MAD1L1: variants seen among roughly 807,000 people sequenced by gnomAD.
The protein encoded by MAD1L1 is mitotic spindle assembly checkpoint protein MAD1.
MAD1L1 carries 95 observed loss-of-function variants against 96.9 expected under a neutral mutation model. The ratio of observed to expected loss-of-function variants is 0.98; its 90% confidence interval spans 0.83 to 1.16. The LOEUF is 1.16. Among genes scored for constraint, MAD1L1 ranks in the 50% most tolerant of loss-of-function variants. The pLI, the probability that MAD1L1 is intolerant of heterozygous loss-of-function variation, is 0.00. For synonymous variants in MAD1L1, 473 were observed against 396.6 expected, an observed-to-expected ratio of 1.19 and a Z score of -2.29; for missense variants, 1,007 against 954.4, an observed-to-expected ratio of 1.06 and a Z score of -0.73.
At chr7:1,944,413 G>A (rs1200001433) in intron 16 of MAD1L1, among the ~76,000 whole-genome samples, 2 of 152,214 alleles carry the variant, frequency 1.3e-5, no homozygotes, top group South Asian at 2.1e-4. Flanking sequence ...CGGGTGGGGA[G>A]TGAGAAACAG....
Position 1,994,655 on chromosome 7 carries a change from CG to C in MAD1L1, c.1416+7409del, listed in dbSNP as rs954741108. Among the ~76,000 whole-genome samples the C allele has an allele frequency of 3.6e-4, 55 of 151,152 alleles. No homozygotes were observed. In the East Asian group the frequency reaches 3.9e-3, roughly 11 times the overall value. On this transcript the variant is annotated intron_variant, in intron 14 of 18. Transcript: ENST00000265854. ...GTGAGGAGGCCACCGGGCGGAGCCTCGGGGGGGGGATTAGCACCCTCATAAA... is the reference window on the plus strand; with the variant it reads ...GTGAGGAGGCCACCGGGCGGAGCCTCGGGGGGGGATTAGCACCCTCATAAA...
At chr7:1,835,764 C>T (rs1231168488) in intron 18 of MAD1L1, among the ~76,000 whole-genome samples, 2 of 152,126 alleles carry the variant, frequency 1.3e-5, no homozygotes, top group South Asian at 2.1e-4. Context: ...AGAGCAGTGA[C>T]GTGGGCTGCT....
intron 11 of MAD1L1, among the ~76,000 whole-genome samples, chr7:2,091,591 G>A (rs938228688): frequency 2.6e-5 from 4 of 152,150 alleles, no homozygotes; most frequent in African/African-American, 7.2e-5. Context: ...CTGGCTAACA[G>A]GGTGAAACCC....
chr7:1,832,851 C>G (rs539969370), intron 18 of MAD1L1, among the ~76,000 whole-genome samples: 1 of 152,036 alleles, frequency 6.6e-6, no homozygotes, highest in Admixed American at 6.6e-5. Context: ...AGGCTGGTCT[C>G]GAACTACTGG....
chr7:1,828,512 G>C (rs1336613175), intron 18 of MAD1L1, among the ~76,000 whole-genome samples: 1 of 152,230 alleles, frequency 6.6e-6, no homozygotes, highest in East Asian at 1.9e-4. Flanking sequence ...TCGCGGGAAA[G>C]CCTGCGAACT....
At chr7:2,029,135 G>A (rs190074121) in intron 12 of MAD1L1, among the ~76,000 whole-genome samples, 185 of 152,298 alleles carry the variant, frequency 1.2e-3, no homozygotes, top group Admixed American at 3.3e-3. Context: ...AGAATGAGAG[G>A]AGACATTTGA....
intron 10 of MAD1L1, among the ~76,000 whole-genome samples, chr7:2,176,027 T>C (rs1043884338): frequency 9.2e-5 from 14 of 152,198 alleles, no homozygotes; most frequent in Admixed American, 3.3e-4. Flanking sequence ...CCTGTCTGCA[T>C]TGTACATTTT....
intron 12 of MAD1L1, among the ~76,000 whole-genome samples, chr7:2,064,053 G>T (rs1784776239): frequency 1.3e-5 from 2 of 152,184 alleles, no homozygotes; most frequent in Non-Finnish European, 1.5e-5. Context: ...CTGAGCTTCA[G>T]CAAGGAACAC....
intron 17 of MAD1L1, among the ~76,000 whole-genome samples, chr7:1,907,233 G>A (rs1282159629): frequency 2.0e-5 from 3 of 152,116 alleles, no homozygotes; most frequent in African/African-American, 4.8e-5. Flanking sequence ...GCTCCTGCCC[G>A]ACCTGGACCG....
chr7:1,923,141 G>C (rs1409362260), intron 17 of MAD1L1, among the ~76,000 whole-genome samples: 1 of 152,180 alleles, frequency 6.6e-6, no homozygotes, highest in Non-Finnish European at 1.5e-5. Flanking sequence ...TCTGGGCCTG[G>C]AGATATCCTT....
At chr7:1,979,718 C>T (rs1780806538) in intron 15 of MAD1L1, among the ~76,000 whole-genome samples, 1 of 152,202 alleles carries the variant, frequency 6.6e-6, no homozygotes, top group Admixed American at 6.5e-5. Context: ...GAGCTGGCAG[C>T]ATGTCTGAAG....
chr7:1,882,060 T>A (rs1785713998), intron 18 of MAD1L1, among the ~76,000 whole-genome samples: 2 of 151,982 alleles, frequency 1.3e-5, no homozygotes, highest in South Asian at 4.2e-4. Flanking sequence ...TGCTTGAACC[T>A]GGCGGTGGGC....
At chr7:2,084,930 C>T (rs930181460) in intron 11 of MAD1L1, among the ~76,000 whole-genome samples, 1 of 152,166 alleles carries the variant, frequency 6.6e-6, no homozygotes. Context: ...CTTATCATTG[C>T]CGTCATCGTT....
At chr7:2,187,709 C>T (rs7785800) in intron 10 of MAD1L1, among the ~76,000 whole-genome samples, 7,081 of 152,260 alleles carry the variant, frequency 0.047, 581 homozygotes, top group African/African-American at 0.16. Flanking sequence ...ACATGTAAGA[C>T]ATTTCTGGTG....
intron 10 of MAD1L1, among the ~76,000 whole-genome samples, chr7:2,164,932 G>A (rs1238087428): frequency 1.3e-5 from 2 of 152,230 alleles, no homozygotes; most frequent in Admixed American, 6.5e-5. Context: ...CTGGAGAAGA[G>A]TGGAAAGCCT....
At chr7:2,166,169 G>A (rs116109719) in intron 10 of MAD1L1, among the ~76,000 whole-genome samples, 4 of 152,138 alleles carry the variant, frequency 2.6e-5, no homozygotes, top group Non-Finnish European at 4.4e-5. Flanking sequence ...GGATCCCGCC[G>A]CAGCCCTGGA....
chr7:2,037,961 G>A (rs545098853), intron 12 of MAD1L1, among the ~76,000 whole-genome samples: 1 of 152,304 alleles, frequency 6.6e-6, no homozygotes, highest in Admixed American at 6.5e-5. Context: ...AAGATAAGCC[G>A]AAAGCCAGGC....
intron 13 of MAD1L1, among the ~76,000 whole-genome samples, chr7:2,006,597 G>T (rs1178760642): frequency 6.6e-6 from 1 of 151,086 alleles, no homozygotes; most frequent in Non-Finnish European, 1.5e-5. Context: ...GCACAGAAGA[G>T]AGAGGACATC....
At chr7:1,973,396 G>C (rs539016897) in intron 15 of MAD1L1, among the ~76,000 whole-genome samples, 1 of 152,300 alleles carries the variant, frequency 6.6e-6, no homozygotes, top group South Asian at 2.1e-4. Context: ...GTGCGGACGT[G>C]CACCTGCTCA....
Sources: allele counts gnomAD v4.1 joint callset (sites outside exome capture counted in the v4.1 genomes callset), GRCh38; gene constraint gnomAD v4.1.1; transcripts MANE v1.5; gene names NCBI Gene and HGNC (gene_info 2026-07-23, HGNC 2026-07-21).